The following METTL2A variants were observed in gnomAD, a reference collection of about 807,000 sequenced individuals.
The protein encoded by METTL2A is methyltransferase 2A, tRNA N3-cytidine, also known as tRNA N(3)-cytidine methyltransferase METTL2A.
METTL2A carries 45 observed loss-of-function variants against 49.4 expected under a neutral mutation model. The observed-to-expected ratio is 0.91, with a 90% CI of 0.72 to 1.17. The LOEUF (loss-of-function observed/expected upper bound fraction) is 1.17. METTL2A is among the 50% of genes most tolerant of loss of function. The probability of loss-of-function intolerance (pLI) is 0.00; values close to 1 mark genes in which losing one functional copy is unlikely to be tolerated. For synonymous variants in METTL2A, 118 were observed against 167.5 expected (o/e 0.70, Z 2.28); for missense variants, 361 against 462.2 (o/e 0.78, Z 2.01).
chr17:62,435,330 C>G, intron 5 of METTL2A, 38 bp downstream of exon 5: 1 of 1,613,424 alleles, frequency 6.2e-7, no homozygotes, highest in Non-Finnish European at 8.5e-7. Context: ...GTAATTTCCA[C>G]TGATTAAAGG....
At chr17:62,444,263 A>T (rs2144154793) in intron 6 of METTL2A, among the ~76,000 whole-genome samples, 1 of 152,322 alleles carries the variant, frequency 6.6e-6, no homozygotes, top group Non-Finnish European at 1.5e-5. Flanking sequence ...GATAGAGAGC[A>T]GAGAACTTTT....
intron 7 of METTL2A, among the ~76,000 whole-genome samples, chr17:62,445,796 G>GA (rs758786127): frequency 2.7e-3 from 304 of 111,106 alleles, no homozygotes; most frequent in Middle Eastern, 4.6e-3. Flanking sequence ...ACTGTCTCAA[G>GA]AAAAAAAAAA....
intron 4 of METTL2A, among the ~76,000 whole-genome samples, chr17:62,432,010 C>T (rs562785709): frequency 6.6e-6 from 1 of 152,232 alleles, no homozygotes; most frequent in East Asian, 1.9e-4. Context: ...TGAGCCACCG[C>T]ACCTGGCCGT....
In METTL2A at chr17:62,450,246, C is replaced by G. The variant is rs1163622142; in HGVS notation, c.*1517C>G. The G allele has an allele frequency of 1.5e-5, 1 of 68,482 alleles. No homozygotes were observed. The highest frequency in any genetic ancestry group is 5.9e-4 in the East Asian group (1 of 1,706). The allele number at this position is 68,482 out of a possible 1,614,324, so 4.2% of individuals were successfully genotyped here. ...ATGTGATCATTATCAGTGTTAGATG[C>G]CTTTTTTTTTTTTTTTTTTTTTTTT... On this transcript the variant is annotated 3_prime_UTR_variant, in exon 9 of 9. Transcript: ENST00000311506.
In METTL2A at chr17:62,448,701, G is replaced by A; in HGVS notation, c.1109G>A (p.Cys370Tyr). 6.2e-7 allele frequency: 1 copy of A among 1,614,068 alleles called. No individual in the cohort carries two copies. The highest frequency in any genetic ancestry group is 8.5e-7 in the Non-Finnish European group (1 of 1,180,016). The change falls in exon 9 of 9, where the codon TGC becomes TAC. Residue 370 changes from cysteine to tyrosine, a missense_variant. Cys to Tyr is a radical substitution (Grantham distance 194). This residue lies in a region of METTL2A where 183 missense variants were observed against 216.5 expected (regional missense o/e 0.85). Coordinates refer to ENST00000311506, the MANE Select transcript of METTL2A (RefSeq NM_181725.4). ...MYRVWIQCKY[C>Y]KPLLSSTS ...CGGGTTTGGATTCAGTGCAAATACT[G>A]CAAGCCCCTTCTGTCCAGCACCAGC...
chr17:62,424,712 G>A (rs1444107307), intron 2 of METTL2A, among the ~76,000 whole-genome samples: 1 of 151,956 alleles, frequency 6.6e-6, no homozygotes, highest in Non-Finnish European at 1.5e-5. Context: ...TCTAAATATT[G>A]TTGGGAGGGG....
chr17:62,444,750 C>G lies in METTL2A; in HGVS notation c.810-87C>G, dbSNP rs1013881573. On this transcript the variant is annotated intron_variant, in intron 6 of 8. Transcript: ENST00000311506. ...GACTTGGTGTGTCAGTTGAGGAAGT[C>G]CACTGGCTTTTTGGGATATGCTACA... 9 of 1,317,084 alleles carry G rather than the reference C, an allele frequency of 6.8e-6. No homozygotes were observed. In the Admixed American group the frequency reaches 1.5e-4, roughly 22 times the overall value. 81.6% of individuals were successfully genotyped at this position (1,317,084 alleles called of 1,614,324 possible). A position where few individuals can be genotyped will look rare whatever the true frequency, so the allele number is the denominator to read the frequency against.
At chr17:62,427,047 G>A (rs1020144900) in intron 3 of METTL2A, among the ~76,000 whole-genome samples, 1 of 152,188 alleles carries the variant, frequency 6.6e-6, no homozygotes, top group African/African-American at 2.4e-5. Context: ...AATGGAGAGG[G>A]TAGTTAGGAT....
chr17:62,450,549 G>C lies in METTL2A; in HGVS notation c.*1820G>C, dbSNP rs2070799960. 6.6e-6 allele frequency: 1 copy of C among 152,028 alleles called. No homozygotes were observed. Among genetic ancestry groups the C allele is most frequent in the Non-Finnish European group, 1.5e-5 (1 of 68,052 alleles). The allele number at this position is 152,028 out of a possible 1,614,324, so 9.4% of individuals were successfully genotyped here. Reference sequence around the variant, plus strand: ...TAGAAAGTAAGGACTTTTCGACCAGGCGTGGCGGCTCATGCCTATAATCCC... The same window carrying C: ...TAGAAAGTAAGGACTTTTCGACCAGCCGTGGCGGCTCATGCCTATAATCCC... On this transcript the variant is annotated 3_prime_UTR_variant, in exon 9 of 9. Transcript: ENST00000311506.
rs1367842230 is a variant in METTL2A at position 62,452,457 on chromosome 17, T to C, written c.*3728T>C. 6.6e-6 allele frequency among the ~76,000 whole-genome samples: 1 copy of C among 152,190 alleles called. No individual in the cohort carries two copies. On this transcript the variant is annotated 3_prime_UTR_variant, in exon 9 of 9. Transcript: ENST00000311506. ...AAACTTCTACCCCCTAGTTTCAGTA[T>C]CTATTGCTGCTTTTTGGCTGAATAA...
chr17:62,425,719 G>C (rs1192776893), intron 2 of METTL2A, among the ~76,000 whole-genome samples: 1 of 147,978 alleles, frequency 6.8e-6, no homozygotes, highest in Admixed American at 6.7e-5. Flanking sequence ...AAAGTCATCT[G>C]GCTGGGCGCG....
rs2070787078 is a variant in METTL2A at position 62,448,872 on chromosome 17, G to GGCATGGA, written c.*143_*144insGCATGGA. 2 of 1,319,382 alleles carry GGCATGGA rather than the reference G, an allele frequency of 1.5e-6. No individual in the cohort carries two copies. The highest frequency in any genetic ancestry group is 1.5e-5 in the African/African-American group (1 of 67,104). 81.7% of individuals were successfully genotyped at this position (1,319,382 alleles called of 1,614,324 possible). A position where few individuals can be genotyped will look rare whatever the true frequency, so the allele number is the denominator to read the frequency against. On this transcript the variant is annotated 3_prime_UTR_variant, in exon 9 of 9. Coordinates refer to ENST00000311506, the MANE Select transcript of METTL2A (RefSeq NM_181725.4). ...CGGGGAGGATCCATTGAGCCCAGCA[G>GGCATGGA]TCCAACCTGGGCAAAATAGTGAGAG...
chr17:62,425,148 C>CAGT (rs2144132554), intron 2 of METTL2A, among the ~76,000 whole-genome samples: 1 of 151,630 alleles, frequency 6.6e-6, no homozygotes, highest in East Asian at 1.9e-4. Context: ...TCAGTAGTAG[C>CAGT]AGTAGTGGAA....
rs1284836023 is a variant in METTL2A, at chr17:62,451,263, C to T, written c.*2534C>T. On this transcript the variant is annotated 3_prime_UTR_variant, in exon 9 of 9. Transcript: ENST00000311506. ...CCAAGTTTAAATGATTCTCCTGCCT[C>T]AGCCTCCCAAGTAGCTGGAATTACA... Among the ~76,000 whole-genome samples, 1 of 151,436 alleles carries T rather than the reference C, an allele frequency of 6.6e-6. No homozygotes were observed. The highest frequency in any genetic ancestry group is 2.4e-5 in the African/African-American group (1 of 41,284).
At chr17:62,431,001 G>C (rs1376720110) in intron 4 of METTL2A, among the ~76,000 whole-genome samples, 1 of 152,198 alleles carries the variant, frequency 6.6e-6, no homozygotes, top group Non-Finnish European at 1.5e-5. Context: ...AAGTAGCTGG[G>C]ATTACAGGCA....
chr17:62,446,380 G>A (rs912150972), intron 7 of METTL2A, among the ~76,000 whole-genome samples: 4 of 151,696 alleles, frequency 2.6e-5, no homozygotes, highest in African/African-American at 7.3e-5. Context: ...GCACGATCTC[G>A]GCTCACTGCA....
rs1037310351 is a variant in METTL2A at position 62,434,298 on chromosome 17, T to TC, written c.609-930dup. On this transcript the variant is annotated intron_variant, in intron 4 of 8. Coordinates refer to ENST00000311506, the MANE Select transcript of METTL2A (RefSeq NM_181725.4). ...TGATTACCATAGCAAATGCTGCAGT[T>TC]CCCCAGGTTTTTAGTCTTGATTATA... Among the ~76,000 whole-genome samples, 4 of 152,144 alleles carry TC rather than the reference T, an allele frequency of 2.6e-5. No homozygotes were observed. In the South Asian group the frequency reaches 8.3e-4, roughly 32 times the overall value.
intron 4 of METTL2A, among the ~76,000 whole-genome samples, chr17:62,432,117 A>G (rs904602170): frequency 3.9e-5 from 6 of 152,146 alleles, no homozygotes; most frequent in Non-Finnish European, 7.4e-5. Flanking sequence ...CCCTATACCC[A>G]TTAGCAGTCA....
intron 5 of METTL2A, among the ~76,000 whole-genome samples, chr17:62,436,456 G>T (rs942475199): frequency 6.6e-6 from 1 of 152,088 alleles, no homozygotes; most frequent in African/African-American, 2.4e-5. Flanking sequence ...AAAGGCTGAA[G>T]CAGGAGAATC....
Sources: gnomAD v4.1 joint callset for allele counts (sites outside exome capture counted in the v4.1 genomes callset) on GRCh38, gnomAD v4.1.1 for gene constraint, gnomAD v4.1.1 regional missense constraint, MANE v1.5 for transcripts, NCBI Gene and HGNC (gene_info 2026-07-23, HGNC 2026-07-21) for gene names.